RBMS3: variants seen among roughly 807,000 people sequenced by gnomAD.
The protein encoded by RBMS3 is RNA-binding motif, single-stranded-interacting protein 3.
In RBMS3, 27 loss-of-function variants were observed where a neutral mutation model predicts 66.8. The observed-to-expected ratio is 0.40, with a 90% CI of 0.30 to 0.56. The LOEUF (loss-of-function observed/expected upper bound fraction) is 0.56. Ranked by LOEUF, RBMS3 falls within the 20% of genes least tolerant of loss-of-function variation. The pLI, the probability that RBMS3 is intolerant of heterozygous loss-of-function variation, is 0.40. For synonymous variants in RBMS3, 188 were observed against 183.0 expected (o/e 1.03, Z -0.22); for missense variants, 513 against 549.5 (o/e 0.93, Z 0.66).
intron 6 of RBMS3, among the ~76,000 whole-genome samples, chr3:29,773,390 T>C (rs533947703): frequency 6.6e-6 from 1 of 152,168 alleles, no homozygotes; most frequent in African/African-American, 2.4e-5. Context: ...TTCAAAAATG[T>C]GTTTCTTAGC....
chr3:29,987,765 ATG>A (rs928663368), intron 12 of RBMS3, among the ~76,000 whole-genome samples: 4 of 152,218 alleles, frequency 2.6e-5, no homozygotes, highest in South Asian at 2.1e-4. Flanking sequence ...AGAGCCTACT[ATG>A]TGATAGGTGC....
intron 1 of RBMS3, among the ~76,000 whole-genome samples, chr3:29,288,196 A>G (rs1208219129): frequency 6.6e-6 from 1 of 151,938 alleles, no homozygotes; most frequent in Non-Finnish European, 1.5e-5. Flanking sequence ...TTCCATTGTG[A>G]GATAGCTGAG....
chr3:29,283,559 T>C (rs1003707463), intron 1 of RBMS3, among the ~76,000 whole-genome samples: 3 of 152,048 alleles, frequency 2.0e-5, no homozygotes, highest in African/African-American at 7.2e-5. Context: ...TAGATATCTG[T>C]TTTGGAGTTC....
chr3:29,972,028 G>C (rs1449119645), intron 12 of RBMS3, among the ~76,000 whole-genome samples: 1 of 152,116 alleles, frequency 6.6e-6, no homozygotes, highest in African/African-American at 2.4e-5. Context: ...TTTAAGAATT[G>C]AATGGGAGTG....
intron 3 of RBMS3, among the ~76,000 whole-genome samples, chr3:29,570,924 A>G (rs1427022531): frequency 1.3e-5 from 2 of 150,836 alleles, no homozygotes; most frequent in African/African-American, 4.9e-5. Context: ...TGGTTGTACT[A>G]ATTTATATTC....
chr3:29,399,172 A>G (rs1028967058), intron 1 of RBMS3, among the ~76,000 whole-genome samples: 8 of 152,136 alleles, frequency 5.3e-5, no homozygotes, highest in Non-Finnish European at 7.4e-5. Context: ...ACTTCAAACA[A>G]ATAAAGTCCA....
chr3:29,861,270 C>G (rs1269195596), intron 6 of RBMS3, among the ~76,000 whole-genome samples: 1 of 152,088 alleles, frequency 6.6e-6, no homozygotes, highest in Admixed American at 6.5e-5. Flanking sequence ...ATAAACTCAC[C>G]TTGAATAAAC....
chr3:29,850,855 G>A (rs1424652193), intron 6 of RBMS3, among the ~76,000 whole-genome samples: 2 of 152,184 alleles, frequency 1.3e-5, no homozygotes, highest in Non-Finnish European at 2.9e-5. Flanking sequence ...TAGCAGGAAA[G>A]GGATCGAGAA....
At chr3:29,759,781 C>A (rs1482620481) in intron 5 of RBMS3, among the ~76,000 whole-genome samples, 1 of 152,066 alleles carries the variant, frequency 6.6e-6, no homozygotes, top group Admixed American at 6.6e-5. Flanking sequence ...GCATGAGGAA[C>A]ACTGAGCCTT....
intron 3 of RBMS3, among the ~76,000 whole-genome samples, chr3:29,581,307 A>ATAGAACTTG (rs1265215021): frequency 6.6e-6 from 1 of 152,212 alleles, no homozygotes; most frequent in Non-Finnish European, 1.5e-5. Context: ...TTCTGTGATC[A>ATAGAACTTG]CATAATGCAA....
chr3:29,592,377 C>G (rs968436800), intron 4 of RBMS3, among the ~76,000 whole-genome samples: 3 of 152,042 alleles, frequency 2.0e-5, no homozygotes, highest in African/African-American at 4.8e-5. Context: ...CAAAAGAAGA[C>G]TTTTATGCAG....
At chr3:29,410,105 A>G (rs1450294737) in intron 1 of RBMS3, among the ~76,000 whole-genome samples, 1 of 152,232 alleles carries the variant, frequency 6.6e-6, no homozygotes, top group East Asian at 1.9e-4. Flanking sequence ...ATATTTAATA[A>G]AAAGTGAAGG....
chr3:29,607,754 C>T (rs184507879), intron 4 of RBMS3, among the ~76,000 whole-genome samples: 131 of 151,846 alleles, frequency 8.6e-4, no homozygotes, highest in Admixed American at 2.2e-3. Flanking sequence ...TCATATTATT[C>T]TCTGTTTAAA....
At chr3:29,740,968 G>A (rs1227275421) in intron 5 of RBMS3, among the ~76,000 whole-genome samples, 1 of 151,330 alleles carries the variant, frequency 6.6e-6, no homozygotes, top group Admixed American at 6.6e-5. Flanking sequence ...TTGAACCTGG[G>A]AGGCAGAGGT....
At chr3:29,296,988 A>T (rs1381890363) in intron 1 of RBMS3, among the ~76,000 whole-genome samples, 1 of 151,628 alleles carries the variant, frequency 6.6e-6, no homozygotes, top group East Asian at 2.0e-4. Flanking sequence ...TATACTTAAT[A>T]TACATTTAGT....
chr3:29,957,310 T>C (rs1050648190), intron 12 of RBMS3, among the ~76,000 whole-genome samples: 1 of 152,128 alleles, frequency 6.6e-6, no homozygotes, highest in Non-Finnish European at 1.5e-5. Context: ...ATCTGGCCCA[T>C]GGTAGGTGTT....
chr3:29,415,228 A>C lies in RBMS3; in HGVS notation c.76-19515A>C, dbSNP rs371452394. On this transcript the variant is annotated intron_variant, in intron 1 of 14. Coordinates refer to ENST00000383767, the MANE Select transcript of RBMS3 (RefSeq NM_001003793.3). ...TAGACAGAAAACAAGCAAACTGTAGATACCGGCAATTTGGAAATTAAATCT... is the reference window on the plus strand; with the variant it reads ...TAGACAGAAAACAAGCAAACTGTAGCTACCGGCAATTTGGAAATTAAATCT... 7.9e-5 allele frequency among the ~76,000 whole-genome samples: 12 copies of C among 152,336 alleles called. No homozygotes were observed. The East Asian group carries it at 1.9e-3, about 24-fold the overall frequency.
intron 12 of RBMS3, among the ~76,000 whole-genome samples, chr3:29,980,549 G>A (rs558034900): frequency 6.6e-6 from 1 of 152,180 alleles, no homozygotes; most frequent in South Asian, 2.1e-4. Flanking sequence ...TTTCTTCTAA[G>A]GTTTTTAAGG....
At chr3:29,939,160 G>C (rs2149694424) in intron 11 of RBMS3, among the ~76,000 whole-genome samples, 1 of 151,954 alleles carries the variant, frequency 6.6e-6, no homozygotes, top group Non-Finnish European at 1.5e-5. Context: ...TCTCTTTTAA[G>C]GTAGCAAATT....
Sources: allele counts gnomAD v4.1 joint callset (sites outside exome capture counted in the v4.1 genomes callset), GRCh38; gene constraint gnomAD v4.1.1; transcripts MANE v1.5; gene names NCBI Gene and HGNC (gene_info 2026-07-23, HGNC 2026-07-21).